Variants in CSMD1 observed in about 807,000 individuals in gnomAD.
CSMD1 encodes CUB and Sushi multiple domains 1, also known as CUB and sushi domain-containing protein 1.
CSMD1 carries 213 observed loss-of-function variants against 417.5 expected under a neutral mutation model. The ratio of observed to expected loss-of-function variants is 0.51; its 90% CI spans 0.46 to 0.57. The LOEUF is 0.57. Among genes scored for constraint, CSMD1 ranks in the 20% least tolerant of loss-of-function variants. The pLI, the probability that CSMD1 is intolerant of heterozygous loss-of-function variation, is 0.00. For missense variants in CSMD1, 6,923 were observed against 4,529.7 expected (o/e 1.53, Z -15.17); for synonymous variants, 2,862 against 1,736.8 (o/e 1.65, Z -16.11).
chr8:3,547,952 G>A (rs1022428342), intron 10 of CSMD1, among the ~76,000 whole-genome samples: 20 of 152,004 alleles, frequency 1.3e-4, no homozygotes, highest in Admixed American at 5.9e-4. Context: ...AGAAATTTGC[G>A]ATACAACTTC....
chr8:3,188,936 T>C lies in CSMD1; in HGVS notation c.5474A>G (p.Asn1825Ser). The change falls in exon 35 of 70, where the codon AAC becomes AGC. Residue 1825 changes from asparagine (N) to serine (S), a missense_variant. Physicochemically the swap from Asn to Ser is conservative, Grantham distance 46. Transcript: ENST00000635120. ...TATGATCTTCCATATACAGTTCAAG[T>C]TGTTTCCGTATGGCTCAGGGTAGCC... ...SPGYPEPYGN[N>S]LNCIWKIIVT... The C allele has an allele frequency of 6.2e-7, 1 of 1,610,926 alleles. No homozygotes were observed. The highest frequency in any genetic ancestry group is 8.5e-7 in the Non-Finnish European group (1 of 1,178,506).
At position 4,881,938 on chromosome 8, in the gene CSMD1, G is replaced by T. The variant is rs375433196; in HGVS notation, c.85+112394C>A. Among the ~76,000 whole-genome samples the T allele has an allele frequency of 2.6e-5, 4 of 151,936 alleles. No individual in the cohort carries two copies. The East Asian group carries it at 7.7e-4, about 29-fold the overall frequency. ...TTTTGTGGGGTTCTTCTTGCAGGGA[G>T]AATCAGCTTCATGCAATGAAAAGGA... On this transcript the variant is annotated intron_variant, in intron 1 of 69. Coordinates refer to ENST00000635120, the MANE Select transcript of CSMD1 (RefSeq NM_033225.6).
At chr8:3,083,709 G>A (rs1814317171) in intron 49 of CSMD1, among the ~76,000 whole-genome samples, 2 of 125,204 alleles carry the variant, frequency 1.6e-5, no homozygotes, top group Non-Finnish European at 3.2e-5. Flanking sequence ...AGGCTGGAGT[G>A]CAGTGCCGTG....
chr8:4,368,687 A>G (rs73508681), intron 3 of CSMD1, among the ~76,000 whole-genome samples: 7,193 of 152,186 alleles, frequency 0.047, 425 homozygotes, highest in African/African-American at 0.14. Flanking sequence ...TTCCTGGCTT[A>G]ATATGAGATG....
rs551183779 is a variant in CSMD1 at position 4,848,685 on chromosome 8, A to C, written c.85+145647T>G. The stretch of plus-strand genomic sequence containing the variant: ...CTCTCGAGTAGCTGGGATTACAGGC[A>C]CCCACCACCACACCCAGCTAATTTT... On this transcript the variant is annotated intron_variant, in intron 1 of 69. Coordinates refer to ENST00000635120, the MANE Select transcript of CSMD1 (RefSeq NM_033225.6). Among the ~76,000 whole-genome samples the C allele has an allele frequency of 4.5e-3, 688 of 151,990 alleles. 1 individual carries two copies. Among genetic ancestry groups the C allele is most frequent in the Middle Eastern group, 0.01 (3 of 294 alleles).
chr8:4,033,505 T>C (rs1797464480), intron 3 of CSMD1, among the ~76,000 whole-genome samples: 1 of 152,286 alleles, frequency 6.6e-6, no homozygotes, highest in South Asian at 2.1e-4. Flanking sequence ...AAGCTCCCAC[T>C]TCCAGTTGTC....
At chr8:4,368,644 G>C (rs768496632) in intron 3 of CSMD1, among the ~76,000 whole-genome samples, 17 of 151,910 alleles carry the variant, frequency 1.1e-4, no homozygotes, top group Non-Finnish European at 2.1e-4. Flanking sequence ...ATTCAATTTT[G>C]GAACTTATTG....
At chr8:3,405,794 G>C (rs929773335) in intron 15 of CSMD1, among the ~76,000 whole-genome samples, 1 of 152,154 alleles carries the variant, frequency 6.6e-6, no homozygotes, top group Non-Finnish European at 1.5e-5. Flanking sequence ...ACCAGCCTGA[G>C]GCAGATCCTC....
intron 3 of CSMD1, among the ~76,000 whole-genome samples, chr8:4,181,365 T>G (rs1230048617): frequency 7.4e-6 from 1 of 135,780 alleles, no homozygotes; most frequent in African/African-American, 3.0e-5. Flanking sequence ...ATTTATTTAT[T>G]TATTTTTTTT....
intron 3 of CSMD1, among the ~76,000 whole-genome samples, chr8:4,197,268 T>C (rs759320270): frequency 2.0e-5 from 3 of 152,240 alleles, no homozygotes; most frequent in Non-Finnish European, 2.9e-5. Flanking sequence ...GATTTTCAAA[T>C]TGAGAAGTAT....
At chr8:3,875,254 G>A (rs974211913) in intron 5 of CSMD1, among the ~76,000 whole-genome samples, 1 of 152,170 alleles carries the variant, frequency 6.6e-6, no homozygotes, top group African/African-American at 2.4e-5. Context: ...TGAGACCATA[G>A]CTGAGAAGAA....
intron 5 of CSMD1, among the ~76,000 whole-genome samples, chr8:3,875,835 C>G (rs951786073): frequency 6.6e-6 from 1 of 152,274 alleles, no homozygotes; most frequent in East Asian, 1.9e-4. Flanking sequence ...ATTTGCAGAT[C>G]AATCAAGGAT....
At chr8:4,826,287 A>G (rs1222805997) in intron 1 of CSMD1, among the ~76,000 whole-genome samples, 1 of 152,044 alleles carries the variant, frequency 6.6e-6, no homozygotes, top group African/African-American at 2.4e-5. Context: ...ATACACACAT[A>G]CGTATATGTA....
intron 51 of CSMD1, among the ~76,000 whole-genome samples, chr8:3,026,041 G>C (rs1448818648): frequency 6.6e-6 from 1 of 152,132 alleles, no homozygotes; most frequent in African/African-American, 2.4e-5. Flanking sequence ...CTCCCCCTGA[G>C]TGAGGGCAGA....
At position 2,962,410 on chromosome 8, in the gene CSMD1, G is replaced by T; in HGVS notation, c.9628+56C>A. 2.0e-6 allele frequency: 3 copies of T among 1,474,836 alleles called. No individual in the cohort carries two copies. The South Asian group carries it at 3.7e-5, about 18-fold the overall frequency. 91.4% of individuals were successfully genotyped at this position (1,474,836 alleles called of 1,614,324 possible). ...ACAAATGACCCAATTTCGGAATGAAGCGTCCTCATCTCCAAATACTCCCAG... is the reference window on the plus strand; with the variant it reads ...ACAAATGACCCAATTTCGGAATGAATCGTCCTCATCTCCAAATACTCCCAG... On this transcript the variant is annotated intron_variant, in intron 61 of 69. Transcript: ENST00000635120.
intron 3 of CSMD1, among the ~76,000 whole-genome samples, chr8:4,397,094 T>C (rs1804286295): frequency 6.6e-6 from 1 of 152,086 alleles, no homozygotes; most frequent in Non-Finnish European, 1.5e-5. Context: ...ATCTCTCTTT[T>C]CCCTAAGAAG....
chr8:3,647,964 C>G (rs550124220), intron 7 of CSMD1, among the ~76,000 whole-genome samples: 2 of 152,228 alleles, frequency 1.3e-5, no homozygotes, highest in Non-Finnish European at 2.9e-5. Context: ...AGCAGTGATG[C>G]TTGCTGTAAA....
intron 54 of CSMD1, among the ~76,000 whole-genome samples, chr8:2,991,613 G>C (rs1007377971): frequency 1.3e-5 from 2 of 152,148 alleles, no homozygotes; most frequent in Non-Finnish European, 2.9e-5. Context: ...ATTTTTGAAA[G>C]TAAAACTTGT....
chr8:4,271,422 T>A (rs1285497441), intron 3 of CSMD1, among the ~76,000 whole-genome samples: 1 of 152,138 alleles, frequency 6.6e-6, no homozygotes, highest in Non-Finnish European at 1.5e-5. Flanking sequence ...CTGTTTGAAA[T>A]GTTGTAGGAG....
Sources: gnomAD v4.1 joint callset for allele counts (sites outside exome capture counted in the v4.1 genomes callset) on GRCh38, gnomAD v4.1.1 for gene constraint, MANE v1.5 for transcripts, NCBI Gene and HGNC (gene_info 2026-07-23, HGNC 2026-07-21) for gene names.